Variants in FCAR observed in about 807,000 individuals in gnomAD.
FCAR encodes immunoglobulin alpha Fc receptor.
Under a neutral mutation model 27.1 loss-of-function variants are expected in FCAR, and 21 were observed. That is an observed-to-expected ratio of 0.77 (90% CI 0.55 to 1.11). FCAR has a LOEUF of 1.11. Ranked by LOEUF, FCAR falls within the 50% of genes most tolerant of loss-of-function variation. The pLI is 0.00. For missense variants in FCAR, 404 were observed against 358.4 expected, an observed-to-expected ratio of 1.13 and a Z score of -1.03; for synonymous variants, 134 against 135.8, an observed-to-expected ratio of 0.99 and a Z score of 0.09.
Position 54,888,305 on chromosome 19 carries a change from C to G in FCAR, c.649+11C>G. ...AGCTTGTGGTCACAGGTAGGTACCGCCCAGTCCAGCCCTGTGTCTGGGTTG... is the reference window on the plus strand; with the variant it reads ...AGCTTGTGGTCACAGGTAGGTACCGGCCAGTCCAGCCCTGTGTCTGGGTTG... On this transcript the variant is annotated intron_variant, in intron 4 of 4. Transcript: ENST00000355524. The G allele has an allele frequency of 1.2e-6, 2 of 1,613,104 alleles. No individual in the cohort carries two copies. Among genetic ancestry groups the G allele is most frequent in the Non-Finnish European group, 1.7e-6 (2 of 1,179,546 alleles).
chr19:54,878,714 A>G (rs916683773), intron 2 of FCAR, among the ~76,000 whole-genome samples: 4 of 144,844 alleles, frequency 2.8e-5, no homozygotes, highest in Non-Finnish European at 6.0e-5. Flanking sequence ...GTTGGTATAA[A>G]GTCTGTTTTG....
In FCAR at chr19:54,885,423, A is replaced by C. The variant is rs369048431; in HGVS notation, c.259A>C (p.Ile87Leu). The C allele has an allele frequency of 4.3e-6, 7 of 1,614,020 alleles. No homozygotes were observed. Among genetic ancestry groups the C allele is most frequent in the Non-Finnish European group, 5.9e-6 (7 of 1,179,946 alleles). Residue 87 changes from isoleucine to leucine, a missense_variant, in exon 3 of 5, where the codon ATT becomes CTT. By Grantham distance (5) the Ile-to-Leu change is conservative. Coordinates refer to ENST00000355524, the MANE Select transcript of FCAR (RefSeq NM_002000.4). The part of the protein sequence containing the change: ...FWNETDPEFV[I>L]DHMDANKAGR... ...GAATGAGACTGATCCTGAGTTCGTC[A>C]TTGACCACATGGACGCAAACAAGGC...
chr19:54,881,876 G>A (rs184089256), intron 2 of FCAR, among the ~76,000 whole-genome samples: 8,457 of 148,726 alleles, frequency 0.057, 286 homozygotes, highest in African/African-American at 0.087. Flanking sequence ...GCGAGACTCC[G>A]TCTCAAATAA....
chr19:54,879,840 C>T (rs747427988), intron 2 of FCAR, among the ~76,000 whole-genome samples: 19 of 152,230 alleles, frequency 1.2e-4, no homozygotes, highest in Non-Finnish European at 2.4e-4. Context: ...CCCACCACCA[C>T]GCCCAGCTAA....
At chr19:54,879,676 A>ATT (rs34625687) in intron 2 of FCAR, among the ~76,000 whole-genome samples, 9 of 129,196 alleles carry the variant, frequency 7.0e-5, no homozygotes, top group Admixed American at 4.0e-4. Flanking sequence ...GCCTTTTCAC[A>ATT]TTTTTTTTTT....
chr19:54,884,719 G>A (rs947998694), intron 2 of FCAR, among the ~76,000 whole-genome samples: 1 of 151,482 alleles, frequency 6.6e-6, no homozygotes, highest in South Asian at 2.1e-4. Flanking sequence ...CTGCCTATTG[G>A]GTACTATGCT....
At chr19:54,874,997 T>C (rs145362951) in intron 1 of FCAR, among the ~76,000 whole-genome samples, 6,355 of 152,120 alleles carry the variant, frequency 0.042, 163 homozygotes, top group Middle Eastern at 0.088. Context: ...GGTGAAACCC[T>C]GTCTCTACTA....
rs116798894 is a variant in FCAR at position 54,888,475 on chromosome 19, T to C, written c.649+181T>C. 2.3e-4 allele frequency: 325 copies of C among 1,425,772 alleles called. No homozygotes were observed. In the African/African-American group the frequency reaches 4.1e-3, roughly 18 times the overall value. 88.3% of individuals were successfully genotyped at this position (1,425,772 alleles called of 1,614,324 possible). A position where few individuals can be genotyped will look rare whatever the true frequency, so the allele number is the denominator to read the frequency against. On this transcript the variant is annotated intron_variant, in intron 4 of 4. Transcript: ENST00000355524. ...TCCGCTTTCACTTCCTCGCTAGAGT[T>C]CTCCAGACAGGGTTCATTGAAAACT...
intron 2 of FCAR, among the ~76,000 whole-genome samples, chr19:54,879,211 T>C (rs151125710): frequency 2.0e-4 from 30 of 152,302 alleles, no homozygotes; most frequent in Non-Finnish European, 3.5e-4. Context: ...ACTCTCTGCA[T>C]TTTAATTAGG....
rs1190703029 is a variant in FCAR at position 54,876,262 on chromosome 19, A to G, written c.70+897A>G. Among the ~76,000 whole-genome samples the G allele has an allele frequency of 3.3e-5, 5 of 152,238 alleles. No homozygotes were observed. In the South Asian group the frequency reaches 1.0e-3, roughly 31 times the overall value. ...ACTGTGGTTTTCTAGGTATAGAATC[A>G]TATCACCTGCAAACAGGGATAGTTT... On this transcript the variant is annotated intron_variant, in intron 2 of 4. Transcript: ENST00000355524.
At chr19:54,878,130 G>C (rs60739160) in intron 2 of FCAR, among the ~76,000 whole-genome samples, 16 of 152,240 alleles carry the variant, frequency 1.1e-4, no homozygotes, top group African/African-American at 3.6e-4. Context: ...CGTTAGCCAG[G>C]ATGGTCTCGA....
rs587732807 is a variant in FCAR, at chr19:54,889,504, G to A, written c.650-145G>A. ...GCTGACTGATCAGTGTGGTGCTGGC[G>A]AAGCATGAGCTCATTGAGGGGATGC... On this transcript the variant is annotated intron_variant, in intron 4 of 4. Coordinates refer to ENST00000355524, the MANE Select transcript of FCAR (RefSeq NM_002000.4). The A allele has an allele frequency of 1.0e-4, 73 of 703,962 alleles. 1 individual carries two copies. The highest frequency in any genetic ancestry group is 5.0e-4 in the African/African-American group (29 of 57,514). The allele number at this position is 703,962 out of a possible 1,614,324, so 43.6% of individuals were successfully genotyped here. A position where few individuals can be genotyped will look rare whatever the true frequency, so the allele number is the denominator to read the frequency against.
intron 2 of FCAR, among the ~76,000 whole-genome samples, chr19:54,881,612 C>T (rs1442628849): frequency 6.6e-6 from 1 of 152,102 alleles, no homozygotes; most frequent in Non-Finnish European, 1.5e-5. Context: ...TGGACTCACG[C>T]CCGGAATCCC....
chr19:54,876,926 C>A (rs1489918782), intron 2 of FCAR, among the ~76,000 whole-genome samples: 1 of 152,130 alleles, frequency 6.6e-6, no homozygotes, highest in Non-Finnish European at 1.5e-5. Flanking sequence ...TATATCGAAT[C>A]AACCTTGCAT....
At position 54,883,045 on chromosome 19, in the gene FCAR, C is replaced by T. The variant is rs587681061; in HGVS notation, c.71-2190C>T. Among the ~76,000 whole-genome samples the T allele has an allele frequency of 1.2e-4, 18 of 152,210 alleles. No individual in the cohort carries two copies. The South Asian group carries it at 3.3e-3, about 28-fold the overall frequency. On this transcript the variant is annotated intron_variant, in intron 2 of 4. Transcript: ENST00000355524. ...TTTTTGACACAGGGTCTTGTTCTGT[C>T]GCCCAGGCTGGAGCACAGTGGCACA...
At chr19:54,885,019 G>A (rs969569908) in intron 2 of FCAR, among the ~76,000 whole-genome samples, 35 of 152,056 alleles carry the variant, frequency 2.3e-4, no homozygotes, top group African/African-American at 8.5e-4. Flanking sequence ...TGTTAGCCAG[G>A]ATGGTCTTGA....
intron 2 of FCAR, among the ~76,000 whole-genome samples, chr19:54,882,319 C>T (rs1175750288): frequency 6.6e-6 from 1 of 152,144 alleles, no homozygotes; most frequent in African/African-American, 2.4e-5. Context: ...AGCGTCCTGG[C>T]CATCCAGATT....
At chr19:54,876,022 T>C (rs150212039) in intron 2 of FCAR, among the ~76,000 whole-genome samples, 63 of 152,384 alleles carry the variant, frequency 4.1e-4, no homozygotes, top group African/African-American at 1.4e-3. Flanking sequence ...CAGTGTTTTG[T>C]AGTTCTCCTT....
At chr19:54,875,441 C>T in intron 2 of FCAR, 76 bp downstream of exon 2, 3 of 1,139,060 alleles carry the variant, frequency 2.6e-6, no homozygotes, top group Non-Finnish European at 3.9e-6. Flanking sequence ...TGAAGAATAG[C>T]CTGAAGCACC....
Sources: allele counts gnomAD v4.1 joint callset (sites outside exome capture counted in the v4.1 genomes callset), GRCh38; gene constraint gnomAD v4.1.1; transcripts MANE v1.5; gene names NCBI Gene and HGNC (gene_info 2026-07-23, HGNC 2026-07-21).